The following PLEKHA5 variants were observed in gnomAD, a reference collection of about 807,000 sequenced individuals.
PLEKHA5 encodes pleckstrin homology domain containing A5.
PLEKHA5 carries 55 observed loss-of-function variants against 181.9 expected under a neutral mutation model. That is an observed-to-expected ratio of 0.30 (90% CI 0.24 to 0.38). The LOEUF (loss-of-function observed/expected upper bound fraction) is 0.38, where lower values mean the gene tolerates loss of function less well. Among genes scored for constraint, PLEKHA5 ranks in the 10% least tolerant of loss-of-function variants. The pLI is 1.00. For synonymous variants in PLEKHA5, 535 were observed against 529.4 expected, an observed-to-expected ratio of 1.01 and a Z score of -0.15; for missense variants, 1,432 against 1,549.5, an observed-to-expected ratio of 0.92 and a Z score of 1.27.
chr12:19,307,412 C>T, intron 15 of PLEKHA5: 1 of 262,446 alleles, frequency 3.8e-6, no homozygotes, highest in Non-Finnish European at 7.4e-6. Context: ...GCGGAGGTTG[C>T]AGTGAGCCGA....
intron 3 of PLEKHA5, among the ~76,000 whole-genome samples, chr12:19,197,682 G>C (rs1378366403): frequency 2.4e-4 from 9 of 37,922 alleles, no homozygotes; most frequent in Non-Finnish European, 2.7e-4. Context: ...GGTGCTGTGT[G>C]TGTGTGTGTG....
In PLEKHA5 at chr12:19,202,633, C is replaced by T. The variant is rs145248353; in HGVS notation, c.228-51307C>T. On this transcript the variant is annotated intron_variant, in intron 3 of 31. Coordinates refer to ENST00000429027, the MANE Select transcript of PLEKHA5 (RefSeq NM_001256470.2). The stretch of plus-strand genomic sequence containing the variant: ...AGACTCAGCCCGTAGAATGTACAAA[C>T]GCCAATTGTGAACCCTAACAAACTC... Among the ~76,000 whole-genome samples, 409 of 152,140 alleles carry T rather than the reference C, an allele frequency of 2.7e-3. 1 individual carries two copies. Among genetic ancestry groups the T allele is most frequent in the African/African-American group, 8.7e-3 (360 of 41,484 alleles).
intron 3 of PLEKHA5, among the ~76,000 whole-genome samples, chr12:19,167,588 T>C (rs2044783197): frequency 6.6e-6 from 1 of 152,012 alleles, no homozygotes; most frequent in Non-Finnish European, 1.5e-5. Flanking sequence ...ATTTCATTAA[T>C]TTCATTCACT....
At chr12:19,182,535 A>G (rs1267075511) in intron 3 of PLEKHA5, among the ~76,000 whole-genome samples, 10 of 152,334 alleles carry the variant, frequency 6.6e-5, no homozygotes, top group Admixed American at 2.6e-4. Context: ...GTTGAAATGT[A>G]CTTTTAATTT....
At chr12:19,303,085 C>G (rs2152926478) in intron 15 of PLEKHA5, among the ~76,000 whole-genome samples, 2 of 151,572 alleles carry the variant, frequency 1.3e-5, no homozygotes, top group Middle Eastern at 6.9e-3. Flanking sequence ...CCGCACCCAG[C>G]TAATTTTTGC....
At chr12:19,159,050 T>A (rs1320697408) in intron 3 of PLEKHA5, among the ~76,000 whole-genome samples, 1 of 152,236 alleles carries the variant, frequency 6.6e-6, no homozygotes, top group Non-Finnish European at 1.5e-5. Context: ...TTTCAAATAT[T>A]TCCTAATGTG....
At chr12:19,184,872 G>C (rs140582881) in intron 3 of PLEKHA5, among the ~76,000 whole-genome samples, 21 of 152,272 alleles carry the variant, frequency 1.4e-4, no homozygotes, top group African/African-American at 4.1e-4. Flanking sequence ...AATCAGAGAG[G>C]TAGAACTCCG....
intron 3 of PLEKHA5, among the ~76,000 whole-genome samples, chr12:19,182,194 T>A: frequency 6.6e-6 from 1 of 152,212 alleles, no homozygotes; most frequent in Admixed American, 6.5e-5. Flanking sequence ...CCTAAAATTT[T>A]AAGTTTTTTG....
chr12:19,157,286 G>T (rs571190325), intron 3 of PLEKHA5, among the ~76,000 whole-genome samples: 1 of 152,210 alleles, frequency 6.6e-6, no homozygotes, highest in East Asian at 1.9e-4. Context: ...AATACTTTAT[G>T]TCAGATAATC....
At chr12:19,318,018 ATTTACT>A (rs1259224463) in intron 16 of PLEKHA5, among the ~76,000 whole-genome samples, 2 of 149,788 alleles carry the variant, frequency 1.3e-5, no homozygotes, top group African/African-American at 4.9e-5. Flanking sequence ...TGCTCATGAA[ATTTACT>A]TTTCTTTTTT....
chr12:19,156,302 G>A (rs970345123), intron 3 of PLEKHA5, among the ~76,000 whole-genome samples: 2 of 151,544 alleles, frequency 1.3e-5, no homozygotes, highest in African/African-American at 4.8e-5. Flanking sequence ...GTTTTTTATG[G>A]AGCAGTGTGA....
At position 19,270,224 on chromosome 12, in the gene PLEKHA5, GT is replaced by G; in HGVS notation, c.845+21del. On this transcript the variant is annotated intron_variant, in intron 10 of 31. Transcript: ENST00000429027. ...ATTTCCGGTGAGTACGTTTTTAATT[GT>G]TACCTTAAAGCTACACAGATTTTTA... 7.3e-7 allele frequency: 1 copy of G among 1,363,272 alleles called. No homozygotes were observed. Among genetic ancestry groups the G allele is most frequent in the Non-Finnish European group, 9.9e-7 (1 of 1,014,594 alleles). The allele number at this position is 1,363,272 out of a possible 1,614,324, so 84.4% of individuals were successfully genotyped here.
At chr12:19,253,867 G>C (rs539649894) in intron 3 of PLEKHA5, 73 bp from the exon 4 acceptor site, 1 of 901,302 alleles carries the variant, frequency 1.1e-6, no homozygotes, top group South Asian at 1.4e-5. Context: ...TTCCTTTGTA[G>C]ACTAATGTTA....
chr12:19,322,148 G>A (rs1484455080), intron 18 of PLEKHA5, among the ~76,000 whole-genome samples, 162 bp from the exon 19 acceptor site: 2 of 152,078 alleles, frequency 1.3e-5, no homozygotes, highest in African/African-American at 4.8e-5. Context: ...GATTGTAGAG[G>A]CAAAATGCTT....
At chr12:19,158,212 G>A (rs2042200552) in intron 3 of PLEKHA5, among the ~76,000 whole-genome samples, 2 of 151,976 alleles carry the variant, frequency 1.3e-5, no homozygotes, top group Non-Finnish European at 1.5e-5. Flanking sequence ...AATTAGCCGG[G>A]CGTGGTGGCG....
intron 2 of PLEKHA5, among the ~76,000 whole-genome samples, chr12:19,131,364 A>C (rs1215300380): frequency 6.6e-6 from 1 of 152,236 alleles, no homozygotes; most frequent in African/African-American, 2.4e-5. Context: ...AGGCTGGTGT[A>C]GCAAGCATGA....
At chr12:19,183,905 G>T (rs2049204295) in intron 3 of PLEKHA5, among the ~76,000 whole-genome samples, 1 of 152,036 alleles carries the variant, frequency 6.6e-6, no homozygotes, top group South Asian at 2.1e-4. Context: ...TGTAGAGACA[G>T]GGTTTCACCA....
At chr12:19,141,519 A>C (rs1026795990) in intron 3 of PLEKHA5, among the ~76,000 whole-genome samples, 1 of 152,222 alleles carries the variant, frequency 6.6e-6, no homozygotes, top group African/African-American at 2.4e-5. Context: ...CAAAATGCCT[A>C]AAGGCCAGGG....
intron 3 of PLEKHA5, among the ~76,000 whole-genome samples, chr12:19,247,535 T>G (rs1013719441): frequency 1.2e-4 from 19 of 152,174 alleles, no homozygotes; most frequent in Admixed American, 9.8e-4. Flanking sequence ...TATATACCAT[T>G]TTATATACAC....
Sources: gnomAD v4.1 joint callset for allele counts (sites outside exome capture counted in the v4.1 genomes callset) on GRCh38, gnomAD v4.1.1 for gene constraint, MANE v1.5 for transcripts, NCBI Gene and HGNC (gene_info 2026-07-23, HGNC 2026-07-21) for gene names.